Variants in CRTAC1 observed in about 807,000 individuals in gnomAD.
CRTAC1 encodes cartilage acidic protein 1.
A neutral mutation model predicts 67.8 loss-of-function variants in CRTAC1; 37 were observed. The ratio of observed to expected loss-of-function variants is 0.55; its 90% CI spans 0.42 to 0.72. The LOEUF (loss-of-function observed/expected upper bound fraction) is 0.72. CRTAC1 is among the 30% of genes least tolerant of loss of function. CRTAC1 has a pLI of 0.00. For missense variants in CRTAC1, 780 were observed against 931.6 expected (o/e 0.84, Z 2.12); for synonymous variants, 348 against 371.0 (o/e 0.94, Z 0.71).
chr10:97,895,893 C>T lies in CRTAC1; in HGVS notation c.1309G>A (p.Gly437Ser). 1 of 1,613,026 alleles carries T rather than the reference C, an allele frequency of 6.2e-7. No individual in the cohort carries two copies. The highest frequency in any genetic ancestry group is 8.5e-7 in the Non-Finnish European group (1 of 1,179,144). Reference protein sequence around the residue: ...SMAQPLSVFRGNQGFNNNWLR... With the variant: ...SMAQPLSVFRSNQGFNNNWLR... Reference sequence around the variant, plus strand: ...CTGAGGTCTTAGCGCACCTGATTGCCCCGGAAGACGGACAGCGGCTGAGCC... The same window carrying T: ...CTGAGGTCTTAGCGCACCTGATTGCTCCGGAAGACGGACAGCGGCTGAGCC... Residue 437 changes from glycine (G) to serine (S), a missense_variant, in exon 10 of 15, where the codon GGC becomes AGC. Coordinates refer to ENST00000370597, the MANE Select transcript of CRTAC1 (RefSeq NM_018058.7). The surrounding 1 kb of genome is among the most constrained non-coding windows in gnomAD (Gnocchi z 4.2).
In CRTAC1 at chr10:97,895,801, C is replaced by T; in HGVS notation, c.1317+84G>A. Reference sequence around the variant, plus strand: ...TTACCCACCATGCTGGCCAAGCCAGCACCCCGGCACCTTGCCCTCACCAAC... The same window carrying T: ...TTACCCACCATGCTGGCCAAGCCAGTACCCCGGCACCTTGCCCTCACCAAC... On this transcript the variant is annotated intron_variant, in intron 10 of 14. Coordinates refer to ENST00000370597, the MANE Select transcript of CRTAC1 (RefSeq NM_018058.7). The surrounding 1 kb of genome is among the most constrained non-coding windows in gnomAD (Gnocchi z 4.2). 8.6e-7 allele frequency: 1 copy of T among 1,159,182 alleles called. No homozygotes were observed. Among genetic ancestry groups the T allele is most frequent in the Non-Finnish European group, 1.3e-6 (1 of 792,404 alleles). 71.8% of individuals were successfully genotyped at this position (1,159,182 alleles called of 1,614,324 possible). A position where few individuals can be genotyped will look rare whatever the true frequency, so the allele number is the denominator to read the frequency against.
chr10:97,924,997 T>G (rs2050892207), intron 3 of CRTAC1, among the ~76,000 whole-genome samples: 1 of 151,952 alleles, frequency 6.6e-6, no homozygotes, highest in Non-Finnish European at 1.5e-5. Flanking sequence ...CTGGGCACAG[T>G]GGCTCATGCC....
At chr10:97,996,630 T>G (rs1436935795) in intron 2 of CRTAC1, among the ~76,000 whole-genome samples, 1 of 152,236 alleles carries the variant, frequency 6.6e-6, no homozygotes, top group Non-Finnish European at 1.5e-5. Context: ...TTTTACACTG[T>G]TGGTGGGACT....
chr10:97,875,025 A>G (rs1184854705), intron 14 of CRTAC1, among the ~76,000 whole-genome samples: 1 of 152,216 alleles, frequency 6.6e-6, no homozygotes, highest in Non-Finnish European at 1.5e-5. Context: ...AAGCCACTAG[A>G]ACAACATCCA....
intron 2 of CRTAC1, among the ~76,000 whole-genome samples, chr10:97,953,101 A>G (rs988806105): frequency 6.6e-6 from 1 of 151,978 alleles, no homozygotes; most frequent in Non-Finnish European, 1.5e-5. Flanking sequence ...TTTTTCCTAT[A>G]AGCCCTCCCC....
chr10:98,008,133 T>C (rs537623793), intron 2 of CRTAC1, among the ~76,000 whole-genome samples: 1 of 152,304 alleles, frequency 6.6e-6, no homozygotes, highest in South Asian at 2.1e-4. Context: ...ACAGCTCTGC[T>C]TCTTCCCAAA....
At chr10:97,968,252 TG>T (rs1253783629) in intron 2 of CRTAC1, among the ~76,000 whole-genome samples, 1 of 152,176 alleles carries the variant, frequency 6.6e-6, no homozygotes, top group Non-Finnish European at 1.5e-5. Flanking sequence ...TTTTTGTTTT[TG>T]TTTTTTTGAG....
intron 14 of CRTAC1, among the ~76,000 whole-genome samples, chr10:97,875,210 A>G (rs537392492): frequency 6.6e-6 from 1 of 152,338 alleles, no homozygotes; most frequent in East Asian, 1.9e-4. Context: ...GACTTTGTGT[A>G]ATTTACTGTT....
intron 1 of CRTAC1, among the ~76,000 whole-genome samples, chr10:98,025,856 C>T (rs898701337): frequency 6.6e-6 from 1 of 152,214 alleles, no homozygotes; most frequent in Non-Finnish European, 1.5e-5. Flanking sequence ...CCCTCCATCA[C>T]ATTCAGAATT....
chr10:97,991,119 AAAAAAAAAG>A (rs1334301493), intron 2 of CRTAC1, among the ~76,000 whole-genome samples: 20 of 148,312 alleles, frequency 1.3e-4, no homozygotes, highest in African/African-American at 1.5e-4. Flanking sequence ...AAAAAAAAAA[AAAAAAAAAG>A]ATTATCTCAG....
chr10:97,955,718 T>TAGCC (rs1361190461), intron 2 of CRTAC1, among the ~76,000 whole-genome samples: 2 of 152,228 alleles, frequency 1.3e-5, no homozygotes. Flanking sequence ...AGATAGCTGG[T>TAGCC]AGCCCCAGGA....
At chr10:97,904,560 T>C (rs1392572141) in intron 7 of CRTAC1, 109 bp downstream of exon 7, 48 of 1,043,972 alleles carry the variant, frequency 4.6e-5, no homozygotes, top group Non-Finnish European at 5.8e-5. Context: ...GCTGGGATTA[T>C]AGGCACGCAC....
intron 2 of CRTAC1, among the ~76,000 whole-genome samples, chr10:97,944,111 TTGGGGGAAAAA>T (rs2051222109): frequency 6.6e-6 from 1 of 151,938 alleles, no homozygotes; most frequent in African/African-American, 2.4e-5. Flanking sequence ...AAGATAACCT[TTGGGGGAAAAA>T]GAAACTGAGA....
At chr10:98,003,416 C>T (rs370740567) in intron 2 of CRTAC1, among the ~76,000 whole-genome samples, 4 of 152,280 alleles carry the variant, frequency 2.6e-5, no homozygotes, top group South Asian at 4.1e-4. Flanking sequence ...TCCGGAGGCT[C>T]GAGGGATAAA....
intron 14 of CRTAC1, among the ~76,000 whole-genome samples, chr10:97,873,143 A>AAAT (rs1274908377): frequency 3.3e-5 from 5 of 152,220 alleles, no homozygotes; most frequent in African/African-American, 4.8e-5. Context: ...CTCAGAGATG[A>AAAT]AACAACTTCT....
chr10:97,905,439 A>C (rs143694413), intron 6 of CRTAC1, among the ~76,000 whole-genome samples: 1,523 of 152,238 alleles, frequency 0.01, 13 homozygotes, highest in Non-Finnish European at 0.018. Flanking sequence ...TCCTCCGGGA[A>C]GCCCTCCCTG....
intron 2 of CRTAC1, among the ~76,000 whole-genome samples, chr10:97,944,611 T>G (rs901610125): frequency 1.2e-4 from 18 of 152,184 alleles, no homozygotes; most frequent in African/African-American, 4.3e-4. Flanking sequence ...TCTGTATGCA[T>G]GTGTTACTCC....
rs1165114939 is a variant in CRTAC1, at chr10:97,999,727, C to T, written c.224+11411G>A. Among the ~76,000 whole-genome samples, 4 of 152,214 alleles carry T rather than the reference C, an allele frequency of 2.6e-5. No individual in the cohort carries two copies. The East Asian group carries it at 7.7e-4, about 29-fold the overall frequency. On this transcript the variant is annotated intron_variant, in intron 2 of 14. Coordinates refer to ENST00000370597, the MANE Select transcript of CRTAC1 (RefSeq NM_018058.7). Reference sequence around the variant, plus strand: ...GGAGTGGGAACTTGTGGTGCCTTTTCTGGGCCTGCCCATGGCTGTCCATGG... The same window carrying T: ...GGAGTGGGAACTTGTGGTGCCTTTTTTGGGCCTGCCCATGGCTGTCCATGG...
chr10:97,905,311 T>C (rs2050596954), intron 6 of CRTAC1, among the ~76,000 whole-genome samples: 2 of 152,148 alleles, frequency 1.3e-5, no homozygotes, highest in African/African-American at 4.8e-5. Flanking sequence ...CTGGTCCCAC[T>C]CTCCCCATCT....
Sources: gnomAD v4.1 joint callset for allele counts (sites outside exome capture counted in the v4.1 genomes callset) on GRCh38, gnomAD v4.1.1 for gene constraint, Gnocchi (gnomAD v3.1) non-coding constraint, MANE v1.5 for transcripts, NCBI Gene and HGNC (gene_info 2026-07-23, HGNC 2026-07-21) for gene names.